Variants in ARHGEF7 observed in about 807,000 individuals in gnomAD.
The protein encoded by ARHGEF7 is Rho guanine nucleotide exchange factor 7.
In ARHGEF7, 33 loss-of-function variants were observed where a neutral mutation model predicts 109.8. That is an observed-to-expected ratio of 0.30 (90% CI 0.23 to 0.40). The LOEUF (loss-of-function observed/expected upper bound fraction) is 0.40. Ranked by LOEUF, ARHGEF7 falls within the 10% of genes least tolerant of loss-of-function variation. The pLI is 1.00. For missense variants in ARHGEF7, 938 were observed against 1,098.5 expected (o/e 0.85, Z 2.07); for synonymous variants, 458 against 424.6 (o/e 1.08, Z -0.97).
At chr13:111,221,827 C>T (rs1027402999) in intron 5 of ARHGEF7, among the ~76,000 whole-genome samples, 7 of 151,528 alleles carry the variant, frequency 4.6e-5, no homozygotes, top group Admixed American at 1.3e-4. Flanking sequence ...TATATGTGTA[C>T]GTGTACGTAT....
chr13:111,250,948 C>T (rs906917288), intron 8 of ARHGEF7, among the ~76,000 whole-genome samples: 8 of 152,220 alleles, frequency 5.3e-5, no homozygotes, highest in Non-Finnish European at 1.2e-4. Flanking sequence ...TCTCCAAGCC[C>T]TGTCCTTGGT....
At chr13:111,245,015 C>T (rs1043560784) in intron 8 of ARHGEF7, among the ~76,000 whole-genome samples, 8 of 152,206 alleles carry the variant, frequency 5.3e-5, no homozygotes, top group African/African-American at 1.2e-4. Context: ...GTGAATATGG[C>T]AGATGAGGCA....
At chr13:111,201,448 T>C (rs2081204501) in intron 2 of ARHGEF7, among the ~76,000 whole-genome samples, 1 of 152,152 alleles carries the variant, frequency 6.6e-6, no homozygotes, top group Non-Finnish European at 1.5e-5. Context: ...TCATTGTACT[T>C]TGGGGCTTCA....
intron 19 of ARHGEF7, chr13:111,294,364 G>A (rs940385869): frequency 1.0e-6 from 1 of 985,416 alleles, no homozygotes. Context: ...CATGGGCTGT[G>A]TAGACCACAA....
intron 1 of ARHGEF7, among the ~76,000 whole-genome samples, chr13:111,132,963 C>A (rs1035104922): frequency 6.6e-6 from 1 of 152,078 alleles, no homozygotes; most frequent in African/African-American, 2.4e-5. Context: ...CATATACACA[C>A]ATGCATCTGT....
At chr13:111,299,499 C>T (rs1011268433) in intron 19 of ARHGEF7, among the ~76,000 whole-genome samples, 5 of 151,994 alleles carry the variant, frequency 3.3e-5, no homozygotes, top group East Asian at 1.9e-4. Context: ...CCTGCCACCA[C>T]GCCCGGCTAA....
intron 2 of ARHGEF7, among the ~76,000 whole-genome samples, chr13:111,163,687 C>T (rs2076915855): frequency 6.6e-6 from 1 of 152,084 alleles, no homozygotes; most frequent in East Asian, 1.9e-4. Context: ...GCATGCACCA[C>T]TATGCCTGGC....
intron 21 of ARHGEF7, among the ~76,000 whole-genome samples, chr13:111,302,455 C>T (rs2093590705): frequency 6.6e-6 from 1 of 152,240 alleles, no homozygotes. Context: ...GCAGTGTCCG[C>T]AGGTCTTCCA....
intron 2 of ARHGEF7, among the ~76,000 whole-genome samples, chr13:111,174,242 T>C (rs2077889459): frequency 1.3e-5 from 2 of 152,260 alleles, no homozygotes; most frequent in African/African-American, 2.4e-5. Flanking sequence ...GTTACTCTTA[T>C]TTCTCAGAGC....
Position 111,303,000 on chromosome 13 carries a change from A to G in ARHGEF7, c.2476A>G (p.Lys826Glu). The change falls in exon 22 of 22, where the codon AAG (lysine) becomes GAG (glutamate). Residue 826 changes from lysine to glutamate, a missense_variant. Lys to Glu is a moderately conservative substitution (Grantham distance 56, BLOSUM62 1). This residue lies in a region of ARHGEF7 where 166 missense variants were observed against 167.3 expected (regional missense o/e 0.99). Coordinates refer to ENST00000646102, the MANE Select transcript of ARHGEF7 (RefSeq NM_001354046.2). ...TCTGCTTAATTTACAGGACAACAAA[A>G]AGATGAAGAAATCTCTAGAGGAAGA... ...EVQELRQDNK[K>E]MKKSLEEEQR... is the part of the protein sequence containing the mutation. 1 of 1,614,118 alleles carries G rather than the reference A, an allele frequency of 6.2e-7. No individual in the cohort carries two copies.
intron 2 of ARHGEF7, among the ~76,000 whole-genome samples, chr13:111,171,230 T>G (rs1384774473): frequency 1.3e-5 from 2 of 152,172 alleles, no homozygotes; most frequent in Non-Finnish European, 2.9e-5. Flanking sequence ...ATTTTGTTTG[T>G]GATGAGGAGG....
intron 17 of ARHGEF7, 53 bp downstream of exon 17, chr13:111,286,293 C>A (rs936784100): frequency 4.2e-6 from 6 of 1,425,806 alleles, no homozygotes; most frequent in African/African-American, 1.4e-5. Flanking sequence ...GTCACGTAGG[C>A]CATGGCTTTC....
At chr13:111,166,157 C>CT (rs1189662557) in intron 2 of ARHGEF7, among the ~76,000 whole-genome samples, 1 of 152,204 alleles carries the variant, frequency 6.6e-6, no homozygotes, top group African/African-American at 2.4e-5. Context: ...CCAGTCTATC[C>CT]TTGCTTTTCT....
intron 2 of ARHGEF7, among the ~76,000 whole-genome samples, chr13:111,177,578 C>G (rs532936106): frequency 1.6e-4 from 24 of 152,278 alleles, no homozygotes; most frequent in African/African-American, 4.3e-4. Flanking sequence ...GGTTCTCACA[C>G]GGTCCTGCTG....
intron 1 of ARHGEF7, chr13:111,116,304 A>C (rs2153302701): frequency 6.5e-6 from 1 of 152,746 alleles, no homozygotes; most frequent in South Asian, 2.1e-4. Context: ...GGCTTGTTAA[A>C]ATTCTAGATT....
chr13:111,116,024 C>A (rs9555771), intron 1 of ARHGEF7, among the ~76,000 whole-genome samples: 1 of 151,950 alleles, frequency 6.6e-6, no homozygotes, highest in African/African-American at 2.4e-5. Flanking sequence ...GGGCCGGCCC[C>A]GCTCCCTGGC....
intron 8 of ARHGEF7, among the ~76,000 whole-genome samples, chr13:111,252,332 A>G (rs1020897377): frequency 3.3e-5 from 5 of 152,220 alleles, no homozygotes; most frequent in Non-Finnish European, 5.9e-5. Context: ...TCTAGTTAAG[A>G]TAAGATAGTG....
chr13:111,168,855 GTT>G (rs773625004), intron 2 of ARHGEF7, among the ~76,000 whole-genome samples: 5 of 152,244 alleles, frequency 3.3e-5, no homozygotes, highest in Non-Finnish European at 7.3e-5. Context: ...CCAGTGAAGT[GTT>G]TATGGAAGCC....
chr13:111,153,995 A>T lies in ARHGEF7; in HGVS notation c.252+4A>T. 6.3e-7 allele frequency: 1 copy of T among 1,597,256 alleles called. No individual in the cohort carries two copies. Among genetic ancestry groups the T allele is most frequent in the African/African-American group, 1.4e-5 (1 of 72,916 alleles). ...CGGGGCTTCCCTGCGGCTGGAGGTG[A>T]GCGCGGGCGGCCACGGGCCGAGGGA... On this transcript the variant is annotated splice_donor_region_variant and intron_variant, in intron 2 of 21. Coordinates refer to ENST00000646102, the MANE Select transcript of ARHGEF7 (RefSeq NM_001354046.2).
Sources: gnomAD v4.1 joint callset for allele counts (sites outside exome capture counted in the v4.1 genomes callset) on GRCh38, gnomAD v4.1.1 for gene constraint, gnomAD v4.1.1 regional missense constraint, MANE v1.5 for transcripts, NCBI Gene and HGNC (gene_info 2026-07-23, HGNC 2026-07-21) for gene names.